Variants in CCPG1 observed in about 807,000 individuals in gnomAD.
CCPG1 encodes the protein cell cycle progression protein 1.
In CCPG1, 46 loss-of-function variants were observed where a neutral mutation model predicts 81.3. That is an observed-to-expected ratio of 0.57 (90% confidence interval 0.45 to 0.72). The LOEUF (loss-of-function observed/expected upper bound fraction) is 0.72, where lower values mean the gene tolerates loss of function less well. CCPG1 is among the 30% of genes least tolerant of loss of function. CCPG1 has a pLI of 0.00. For synonymous variants in CCPG1, 330 were observed against 305.2 expected (o/e 1.08, Z -0.85); for missense variants, 902 against 937.6 (o/e 0.96, Z 0.50).
chr15:55,366,884 C>T (rs2056341369), intron 6 of CCPG1, among the ~76,000 whole-genome samples: 1 of 152,070 alleles, frequency 6.6e-6, no homozygotes, highest in African/African-American at 2.4e-5. Flanking sequence ...GGGAAAAAAC[C>T]ACGAAATCAA....
At chr15:55,364,391 T>C (rs539214915) in intron 7 of CCPG1, among the ~76,000 whole-genome samples, 1 of 150,456 alleles carries the variant, frequency 6.6e-6, no homozygotes, top group Non-Finnish European at 1.5e-5. Context: ...AACTCTCCTC[T>C]TTCCCTCCTG....
At chr15:55,380,611 T>C (rs1275737796) in intron 3 of CCPG1, among the ~76,000 whole-genome samples, 1 of 151,904 alleles carries the variant, frequency 6.6e-6, no homozygotes, top group Non-Finnish European at 1.5e-5. Context: ...GCATTTCTTA[T>C]GTAATTTAAG....
At chr15:55,405,083 A>G (rs1194379530) in intron 1 of CCPG1, among the ~76,000 whole-genome samples, 3 of 151,986 alleles carry the variant, frequency 2.0e-5, no homozygotes, top group Non-Finnish European at 4.4e-5. Context: ...AAATTAGGTC[A>G]GGGGCAGTGG....
chr15:55,365,054 A>C lies in CCPG1; in HGVS notation c.828+134T>G, dbSNP rs537449162. The C allele has an allele frequency of 8.4e-6, 5 of 592,166 alleles. No homozygotes were observed. In the Admixed American group the frequency reaches 1.6e-4, roughly 19 times the overall value. 36.7% of individuals were successfully genotyped at this position (592,166 alleles called of 1,614,324 possible). A position where few individuals can be genotyped will look rare whatever the true frequency, so the allele number is the denominator to read the frequency against. The stretch of plus-strand genomic sequence containing the variant: ...TCATGACAATGACTAGGACACACTA[A>C]ATACCCGTACTCAATTCAACAATGA... On this transcript the variant is annotated intron_variant, in intron 7 of 8. Coordinates refer to ENST00000442196, the MANE Select transcript of CCPG1 (RefSeq NM_001204450.2).
intron 4 of CCPG1, 65 bp from the exon 5 acceptor site, chr15:55,377,215 G>A (rs2081149121): frequency 3.7e-6 from 4 of 1,068,386 alleles, no homozygotes; most frequent in Non-Finnish European, 5.6e-6. Context: ...CATTTTCTTA[G>A]AATACAACAG....
chr15:55,404,967 G>A (rs1381591822), intron 1 of CCPG1, among the ~76,000 whole-genome samples: 1 of 151,950 alleles, frequency 6.6e-6, no homozygotes, highest in East Asian at 1.9e-4. Context: ...CTACGTGCCT[G>A]TAATCCCAGC....
chr15:55,355,435 T>G lies in CCPG1; in HGVS notation c.*785A>C. The G allele has an allele frequency of 6.2e-7, 1 of 1,600,594 alleles. No homozygotes were observed. The highest frequency in any genetic ancestry group is 8.5e-7 in the Non-Finnish European group (1 of 1,173,786). On this transcript the variant is annotated 3_prime_UTR_variant, in exon 9 of 9. Transcript: ENST00000442196. ...TCAACATGAAGATGAAATTCTGAAC[T>G]TTCCTAGATAAATTAACATTGCTGG...
At chr15:55,365,434 T>TG in intron 6 of CCPG1, 125 bp from the exon 7 acceptor site, 4 of 619,446 alleles carry the variant, frequency 6.5e-6, no homozygotes, top group Admixed American at 3.6e-5. Context: ...TTTTTTTTGT[T>TG]TTTTTTTTGT....
chr15:55,358,674 C>G lies in CCPG1; in HGVS notation c.2234+865G>C, dbSNP rs1212732915. The G allele has an allele frequency of 8.1e-6, 8 of 982,914 alleles. No individual in the cohort carries two copies. The African/African-American group carries it at 9.1e-5, about 11-fold the overall frequency. 60.9% of individuals were successfully genotyped at this position (982,914 alleles called of 1,614,324 possible). ...AGAAGCCTTTCCAAACACCTCCAGA[C>G]AGCCTGAGGCCACCATGCCCCATAC... On this transcript the variant is annotated intron_variant, in intron 8 of 8. Coordinates refer to ENST00000442196, the MANE Select transcript of CCPG1 (RefSeq NM_001204450.2).
chr15:55,372,435 C>A lies in CCPG1; in HGVS notation c.455-391G>T, dbSNP rs1462673730. 1.4e-5 allele frequency: 3 copies of A among 219,270 alleles called. No homozygotes were observed. In the East Asian group the frequency reaches 3.7e-4, roughly 27 times the overall value. The allele number at this position is 219,270 out of a possible 1,614,324, so 13.6% of individuals were successfully genotyped here. ...CAGCACTTTGGGAGGCCGAGGCGGG[C>A]AGATCACCTGAGGTCAGGAGTTCGA... On this transcript the variant is annotated intron_variant, in intron 5 of 8. Coordinates refer to ENST00000442196, the MANE Select transcript of CCPG1 (RefSeq NM_001204450.2).
intron 1 of CCPG1, among the ~76,000 whole-genome samples, chr15:55,406,953 G>A (rs2057238298): frequency 6.7e-6 from 1 of 150,184 alleles, no homozygotes. Flanking sequence ...GGTGGGTCAC[G>A]CCTGTAATCC....
In CCPG1 at chr15:55,359,772, T is replaced by G; in HGVS notation, c.2001A>C (p.Glu667Asp). 2 of 1,613,398 alleles carry G rather than the reference T, an allele frequency of 1.2e-6. No individual in the cohort carries two copies. The highest frequency in any genetic ancestry group is 1.7e-6 in the Non-Finnish European group (2 of 1,179,910). ...RQIIQRYMLK[E>D]LDTFCHWNEL... ...CGTTCCAGTGACAAAAAGTATCCAG[T>G]TCTTTTAACATGTACCTTTGAATTA... is the stretch of plus-strand genomic sequence containing the variant. The change falls in exon 8 of 9, where the codon GAA (glutamate) becomes GAC (aspartate). Residue 667 changes from glutamate to aspartate, a missense_variant. Around this residue, in one of 3 missense-constraint regions of CCPG1, gnomAD observed 746 missense variants for 728.6 expected, o/e 1.02. Transcript: ENST00000442196.
chr15:55,395,937 G>A (rs541873170), intron 1 of CCPG1, among the ~76,000 whole-genome samples: 18 of 151,950 alleles, frequency 1.2e-4, no homozygotes, highest in Non-Finnish European at 2.5e-4. Context: ...AGGCAGATCA[G>A]GAGGTCAGGA....
At position 55,376,992 on chromosome 15, in the gene CCPG1, GC is replaced by G; in HGVS notation, c.410del (p.Gly137AlafsTer58). On this transcript the variant is annotated frameshift_variant, in exon 5 of 9. Transcript: ENST00000442196. LOFTEE classifies it high-confidence loss of function. ...EAQSSEDFNMGSSSSSQYTFC... is the reference protein window; with the variant it reads ...EAQSSEDFNMXSSSSSQYTFC... ...AAGTATACTGGCTGCTAGAGGAAGA[GC>G]CCATGTTAAAGTCTTCTGAACTCTG... 1 of 1,613,660 alleles carries G rather than the reference GC, an allele frequency of 6.2e-7. No individual in the cohort carries two copies. Among genetic ancestry groups the G allele is most frequent in the Non-Finnish European group, 8.5e-7 (1 of 1,179,944 alleles).
At chr15:55,385,754 G>A (rs1364149132) in intron 2 of CCPG1, 40 bp from the exon 3 acceptor site, 2 of 1,030,764 alleles carry the variant, frequency 1.9e-6, no homozygotes, top group Non-Finnish European at 3.0e-6. Context: ...TTGCCTATTA[G>A]CTCCTCAAAG....
Position 55,385,591 on chromosome 15 carries a change from A to G in CCPG1, c.175+9T>C. On this transcript the variant is annotated intron_variant, in intron 3 of 8. Transcript: ENST00000442196. ...TTAAAAAAAAAATTAGAATTTGTGA[A>G]CAACTTACCTCCTTGCTCTATCTGC... 1 of 1,444,396 alleles carries G rather than the reference A, an allele frequency of 6.9e-7. No individual in the cohort carries two copies. Among genetic ancestry groups the G allele is most frequent in the Non-Finnish European group, 9.5e-7 (1 of 1,052,418 alleles). The allele number at this position is 1,444,396 out of a possible 1,614,324, so 89.5% of individuals were successfully genotyped here.
intron 3 of CCPG1, among the ~76,000 whole-genome samples, chr15:55,380,929 A>C (rs1279689255): frequency 6.6e-6 from 1 of 151,956 alleles, no homozygotes; most frequent in Admixed American, 6.6e-5. Context: ...CGAGGTCAGG[A>C]GATCAAGACC....
At chr15:55,384,070 G>A (rs2056753539) in intron 3 of CCPG1, among the ~76,000 whole-genome samples, 1 of 152,114 alleles carries the variant, frequency 6.6e-6, no homozygotes, top group South Asian at 2.1e-4. Flanking sequence ...CTTTTGATTT[G>A]AAGTGAGAGA....
intron 8 of CCPG1, chr15:55,358,398 C>T (rs1168296072): frequency 6.1e-6 from 6 of 985,440 alleles, no homozygotes; most frequent in Middle Eastern, 5.2e-4. Flanking sequence ...TCTTATCCCA[C>T]CCGCCTTGAA....
Sources: gnomAD v4.1 joint callset for allele counts (sites outside exome capture counted in the v4.1 genomes callset) on GRCh38, gnomAD v4.1.1 for gene constraint, gnomAD v4.1.1 regional missense constraint, MANE v1.5 for transcripts, NCBI Gene and HGNC (gene_info 2026-07-23, HGNC 2026-07-21) for gene names.